PDGFRL: variants seen among roughly 807,000 people sequenced by gnomAD.
PDGFRL encodes the protein platelet derived growth factor receptor like, also known as platelet-derived growth factor receptor-like protein.
Under a neutral mutation model 37.2 loss-of-function variants are expected in PDGFRL, and 46 were observed. The ratio of observed to expected loss-of-function variants is 1.24; its 90% confidence interval spans 0.98 to 1.58. PDGFRL has a LOEUF of 1.58. Ranked by LOEUF, PDGFRL falls within the 40% of genes most tolerant of loss-of-function variation. The pLI, the probability that PDGFRL is intolerant of heterozygous loss-of-function variation, is 0.00. For synonymous variants in PDGFRL, 251 were observed against 184.3 expected, an observed-to-expected ratio of 1.36 and a Z score of -2.93; for missense variants, 692 against 467.6, an observed-to-expected ratio of 1.48 and a Z score of -4.43.
chr8:17,641,261 C>T (rs1464960648), intron 5 of PDGFRL, among the ~76,000 whole-genome samples: 1 of 152,202 alleles, frequency 6.6e-6, no homozygotes, highest in Non-Finnish European at 1.5e-5. Flanking sequence ...GGTTTCTGTG[C>T]TGTGTCTGCA....
intron 1 of PDGFRL, among the ~76,000 whole-genome samples, chr8:17,579,270 ACAGTGCTT>A (rs1427371158): frequency 6.6e-6 from 1 of 152,200 alleles, no homozygotes. Context: ...TAGTGAACAC[ACAGTGCTT>A]CATTAAGTTA....
intron 4 of PDGFRL, among the ~76,000 whole-genome samples, chr8:17,632,793 C>A (rs541380624): frequency 6.6e-6 from 1 of 152,160 alleles, no homozygotes; most frequent in African/African-American, 2.4e-5. Flanking sequence ...AGCCCTCCTC[C>A]ACTCCGCCAC....
intron 2 of PDGFRL, chr8:17,596,415 A>G: frequency 1.4e-6 from 1 of 704,122 alleles, no homozygotes. Flanking sequence ...TTATTCACCA[A>G]AGTCAGATTC....
chr8:17,579,542 ATTTTATTATTATTG>A (rs1563500881), intron 1 of PDGFRL, among the ~76,000 whole-genome samples: 2 of 104,530 alleles, frequency 1.9e-5, no homozygotes, highest in Non-Finnish European at 3.9e-5. Context: ...CTTTATTATT[ATTTTATTATTATTG>A]TTATTATTAT....
intron 2 of PDGFRL, among the ~76,000 whole-genome samples, chr8:17,590,471 G>A (rs1175019297): frequency 6.6e-6 from 1 of 151,926 alleles, no homozygotes. Context: ...CAGCCCTTTG[G>A]GAGGCCAAAG....
At chr8:17,611,423 G>C (rs757835034) in intron 2 of PDGFRL, among the ~76,000 whole-genome samples, 11 of 152,216 alleles carry the variant, frequency 7.2e-5, no homozygotes, top group Non-Finnish European at 1.6e-4. Context: ...TTGAACCAAG[G>C]AAAGCTGACT....
rs1429745973 is a variant in PDGFRL, at chr8:17,642,931, A to G, written c.*130A>G. ...CACACCCCAACCCCAGCGTCTCGTG[A>G]GTCCGACCCAGACATCCAAACTAAA... On this transcript the variant is annotated 3_prime_UTR_variant, in exon 6 of 6. Transcript: ENST00000251630. The G allele has an allele frequency of 1.6e-6, 1 of 613,128 alleles. No individual in the cohort carries two copies. Among genetic ancestry groups the G allele is most frequent in the Non-Finnish European group, 2.9e-6 (1 of 347,518 alleles). The allele number at this position is 613,128 out of a possible 1,614,324, so 38.0% of individuals were successfully genotyped here.
At chr8:17,638,005 A>C (rs746636190) in intron 5 of PDGFRL, among the ~76,000 whole-genome samples, 3 of 152,060 alleles carry the variant, frequency 2.0e-5, no homozygotes, top group Admixed American at 1.3e-4. Flanking sequence ...TCAAAGAATC[A>C]GCTTTTTGTT....
At chr8:17,602,198 T>A (rs1384282005) in intron 2 of PDGFRL, among the ~76,000 whole-genome samples, 2 of 152,226 alleles carry the variant, frequency 1.3e-5, no homozygotes, top group Non-Finnish European at 2.9e-5. Flanking sequence ...TGGTTTGGAT[T>A]TCTTTAATGA....
At chr8:17,637,063 G>C (rs1023749062) in intron 5 of PDGFRL, among the ~76,000 whole-genome samples, 6 of 152,150 alleles carry the variant, frequency 3.9e-5, no homozygotes, top group Admixed American at 3.9e-4. Flanking sequence ...TCAGCAAACA[G>C]CGACAGTTTG....
chr8:17,585,545 A>T (rs1038812890), intron 1 of PDGFRL, among the ~76,000 whole-genome samples: 1 of 152,110 alleles, frequency 6.6e-6, no homozygotes. Context: ...TTCATGAAAA[A>T]TGGAAAAATG....
chr8:17,636,583 G>C (rs1054213030), intron 5 of PDGFRL, among the ~76,000 whole-genome samples: 7 of 148,354 alleles, frequency 4.7e-5, no homozygotes, highest in African/African-American at 1.5e-4. Flanking sequence ...GCTTAGTCTT[G>C]TTTTGGCTCT....
At chr8:17,615,119 TAA>T (rs1491293099) in intron 2 of PDGFRL, among the ~76,000 whole-genome samples, 2 of 152,188 alleles carry the variant, frequency 1.3e-5, no homozygotes, top group South Asian at 4.1e-4. Context: ...TGAGAAAAAG[TAA>T]AGTGTCTCTT....
intron 2 of PDGFRL, among the ~76,000 whole-genome samples, chr8:17,605,011 G>A (rs1804243768): frequency 6.6e-6 from 1 of 152,032 alleles, no homozygotes; most frequent in African/African-American, 2.4e-5. Context: ...TAGCTACCTG[G>A]GAGGCTGAGG....
chr8:17,627,083 C>T (rs1346548808), intron 3 of PDGFRL, among the ~76,000 whole-genome samples: 3 of 152,174 alleles, frequency 2.0e-5, no homozygotes, highest in Admixed American at 2.0e-4. Flanking sequence ...TGTCACCGTG[C>T]TGGGGCTCCC....
At chr8:17,606,754 A>T (rs562053605) in intron 2 of PDGFRL, among the ~76,000 whole-genome samples, 1 of 152,070 alleles carries the variant, frequency 6.6e-6, no homozygotes, top group African/African-American at 2.4e-5. Flanking sequence ...TGTTCTCAGG[A>T]TAGAATGAGG....
intron 3 of PDGFRL, among the ~76,000 whole-genome samples, chr8:17,623,058 T>G (rs1804663967): frequency 6.6e-6 from 1 of 152,228 alleles, no homozygotes; most frequent in Admixed American, 6.5e-5. Context: ...TCTATCAGTT[T>G]CATTCCACAA....
At chr8:17,619,078 A>G (rs1804583285) in intron 2 of PDGFRL, among the ~76,000 whole-genome samples, 1 of 152,168 alleles carries the variant, frequency 6.6e-6, no homozygotes, top group Non-Finnish European at 1.5e-5. Flanking sequence ...CTCACCTGAC[A>G]TTTTCCCTAT....
chr8:17,612,729 A>G (rs1804447060), intron 2 of PDGFRL, among the ~76,000 whole-genome samples: 1 of 152,188 alleles, frequency 6.6e-6, no homozygotes, highest in Admixed American at 6.5e-5. Context: ...AAACTTAAAA[A>G]CTATAAATAA....
Sources: allele counts gnomAD v4.1 joint callset (sites outside exome capture counted in the v4.1 genomes callset), GRCh38; gene constraint gnomAD v4.1.1; transcripts MANE v1.5; gene names NCBI Gene and HGNC (gene_info 2026-07-23, HGNC 2026-07-21).